Variants in CAMTA1 observed in about 807,000 individuals in gnomAD.
CAMTA1 encodes the protein calmodulin binding transcription activator 1.
Under a neutral mutation model 170.9 loss-of-function variants are expected in CAMTA1, and 27 were observed. The observed-to-expected ratio is 0.16, with a 90% CI of 0.12 to 0.22. CAMTA1 has a LOEUF of 0.22. Among genes scored for constraint, CAMTA1 ranks in the 10% least tolerant of loss-of-function variants. The pLI, the probability that CAMTA1 is intolerant of heterozygous loss-of-function variation, is 1.00. For missense variants in CAMTA1, 1,619 were observed against 2,217.2 expected (o/e 0.73, Z 5.42); for synonymous variants, 833 against 891.5 (o/e 0.93, Z 1.17).
At chr1:7,593,631 G>A (rs561697350) in intron 6 of CAMTA1, among the ~76,000 whole-genome samples, 7 of 151,434 alleles carry the variant, frequency 4.6e-5, no homozygotes, top group African/African-American at 9.7e-5. Context: ...CTGGGACTAC[G>A]AGCATGCACT....
chr1:7,374,140 G>A (rs988994588), intron 5 of CAMTA1, among the ~76,000 whole-genome samples: 3 of 152,182 alleles, frequency 2.0e-5, no homozygotes, highest in Admixed American at 6.5e-5. Context: ...GGAAGCAGCC[G>A]GGCCCCTGAT....
chr1:7,334,232 G>A (rs1452297214), intron 5 of CAMTA1, among the ~76,000 whole-genome samples: 2 of 152,144 alleles, frequency 1.3e-5, no homozygotes, highest in Non-Finnish European at 2.9e-5. Context: ...AAAAGAAAGG[G>A]GGAAAAAAAT....
intron 11 of CAMTA1, among the ~76,000 whole-genome samples, chr1:7,717,815 AAAG>A (rs1234934984): frequency 2.0e-5 from 3 of 152,226 alleles, no homozygotes; most frequent in Non-Finnish European, 4.4e-5. Flanking sequence ...TGGCTGAAAA[AAAG>A]CCCATCATAG....
intron 6 of CAMTA1, among the ~76,000 whole-genome samples, chr1:7,626,147 AC>A (rs2095632158): frequency 6.6e-6 from 1 of 152,198 alleles, no homozygotes. Context: ...CATTAAAAAA[AC>A]ATACAGCCCA....
In CAMTA1 at chr1:7,591,839, G is replaced by A. The variant is rs544448502; in HGVS notation, c.511-48561G>A. On this transcript the variant is annotated intron_variant, in intron 6 of 22. Transcript: ENST00000303635. ...TTTTCCCTGGCAGCTCCCTCTGCCC[G>A]CCACGCCTCCCTAGACTTGTGTGGC... Among the ~76,000 whole-genome samples the A allele has an allele frequency of 3.7e-4, 57 of 152,280 alleles. 2 individuals carry two copies. The South Asian group carries it at 8.5e-3, about 23-fold the overall frequency.
chr1:7,609,871 G>A lies in CAMTA1; in HGVS notation c.511-30529G>A, dbSNP rs1042958218. 3.9e-5 allele frequency among the ~76,000 whole-genome samples: 6 copies of A among 152,156 alleles called. No individual in the cohort carries two copies. Among genetic ancestry groups the A allele is most frequent in the East Asian group, 1.9e-4 (1 of 5,180 alleles). On this transcript the variant is annotated intron_variant, in intron 6 of 22. Coordinates refer to ENST00000303635, the MANE Select transcript of CAMTA1 (RefSeq NM_015215.4). The surrounding 1 kb of genome is among the most constrained non-coding windows in gnomAD (Gnocchi z 4.4). ...GGGTAGAGTCCAAACATGGAAGCTCGGATTATTATGTACTGCTCTTACTTC... is the reference window on the plus strand; with the variant it reads ...GGGTAGAGTCCAAACATGGAAGCTCAGATTATTATGTACTGCTCTTACTTC...
intron 4 of CAMTA1, among the ~76,000 whole-genome samples, chr1:7,127,119 G>C (rs1644980926): frequency 6.6e-6 from 1 of 152,118 alleles, no homozygotes; most frequent in Non-Finnish European, 1.5e-5. Flanking sequence ...CTGGGAGACA[G>C]GGGGCTGAGC....
At chr1:7,677,455 T>C in intron 10 of CAMTA1, 144 bp from the exon 11 acceptor site, 1 of 956,874 alleles carries the variant, frequency 1.0e-6, no homozygotes, top group South Asian at 1.6e-5. Flanking sequence ...GGGCCTCGAA[T>C]GAGCAGGCAT....
intron 3 of CAMTA1, among the ~76,000 whole-genome samples, chr1:6,828,286 C>CTTTTTTTTT (rs746522147): frequency 1.7e-4 from 12 of 69,744 alleles, no homozygotes; most frequent in Non-Finnish European, 2.5e-4. Flanking sequence ...TCATTCCATC[C>CTTTTTTTTT]TTTTTTTTTT....
intron 5 of CAMTA1, among the ~76,000 whole-genome samples, chr1:7,359,167 T>C (rs572086733): frequency 1.3e-5 from 2 of 152,294 alleles, no homozygotes; most frequent in Non-Finnish European, 2.9e-5. Flanking sequence ...TAAAGCCCTG[T>C]TATCAGTCAT....
chr1:6,853,376 A>G (rs980034261), intron 3 of CAMTA1, among the ~76,000 whole-genome samples: 1 of 152,222 alleles, frequency 6.6e-6, no homozygotes, highest in Non-Finnish European at 1.5e-5. Context: ...TAAGTCAAGG[A>G]CACATGTTGT....
intron 3 of CAMTA1, among the ~76,000 whole-genome samples, chr1:7,019,257 GTCT>G (rs1701021080): frequency 6.6e-6 from 1 of 152,218 alleles, no homozygotes; most frequent in Non-Finnish European, 1.5e-5. Context: ...CTCTGCAAAG[GTCT>G]TCTTTACTGT....
chr1:7,191,596 T>C (rs187733649), intron 4 of CAMTA1, among the ~76,000 whole-genome samples: 1 of 152,316 alleles, frequency 6.6e-6, no homozygotes, highest in African/African-American at 2.4e-5. Flanking sequence ...ATTAATAAAA[T>C]CAGCTTAACA....
At chr1:7,630,021 A>G (rs1576483052) in intron 6 of CAMTA1, among the ~76,000 whole-genome samples, 1 of 152,198 alleles carries the variant, frequency 6.6e-6, no homozygotes, top group African/African-American at 2.4e-5. Flanking sequence ...ACTCATTAAA[A>G]TTTAGTGTCA....
At chr1:7,542,265 G>A (rs1256326782) in intron 6 of CAMTA1, among the ~76,000 whole-genome samples, 1 of 151,826 alleles carries the variant, frequency 6.6e-6, no homozygotes, top group Admixed American at 6.6e-5. Context: ...CCAGTTTGTT[G>A]TTGTTGTTGT....
At chr1:7,186,188 G>A (rs1333604778) in intron 4 of CAMTA1, among the ~76,000 whole-genome samples, 1 of 152,158 alleles carries the variant, frequency 6.6e-6, no homozygotes, top group African/African-American at 2.4e-5. Context: ...GAGAGAGAGG[G>A]AAGGAAGGGT....
chr1:6,974,488 G>T (rs1378591909), intron 3 of CAMTA1, among the ~76,000 whole-genome samples: 1 of 152,216 alleles, frequency 6.6e-6, no homozygotes, highest in African/African-American at 2.4e-5. Flanking sequence ...CAAGCTGAGG[G>T]ATTGAAGTAA....
chr1:7,394,617 A>G (rs992701353), intron 5 of CAMTA1, among the ~76,000 whole-genome samples: 1 of 152,110 alleles, frequency 6.6e-6, no homozygotes, highest in African/African-American at 2.4e-5. Flanking sequence ...ACAGTTTGCA[A>G]ATATTTTCTC....
At chr1:7,199,967 A>G (rs1319664761) in intron 4 of CAMTA1, among the ~76,000 whole-genome samples, 2 of 152,110 alleles carry the variant, frequency 1.3e-5, no homozygotes, top group Non-Finnish European at 2.9e-5. Flanking sequence ...GATGAGGATA[A>G]TTTTCTTTCA....
Sources: gnomAD v4.1 joint callset for allele counts (sites outside exome capture counted in the v4.1 genomes callset) on GRCh38, gnomAD v4.1.1 for gene constraint, Gnocchi (gnomAD v3.1) non-coding constraint, MANE v1.5 for transcripts, NCBI Gene and HGNC (gene_info 2026-07-23, HGNC 2026-07-21) for gene names.